The following TMEM163 variants were observed in gnomAD, a reference collection of about 807,000 sequenced individuals.
The protein encoded by TMEM163 is transmembrane protein 163.
Under a neutral mutation model 29.3 loss-of-function variants are expected in TMEM163, and 17 were observed. The ratio of observed to expected loss-of-function variants is 0.58; its 90% CI spans 0.40 to 0.87. The LOEUF (loss-of-function observed/expected upper bound fraction) is 0.87. Among genes scored for constraint, TMEM163 ranks in the 40% least tolerant of loss-of-function variants. The probability of loss-of-function intolerance (pLI) is 0.00; values close to 1 mark genes in which losing one functional copy is unlikely to be tolerated. For synonymous variants in TMEM163, 157 were observed against 160.6 expected, an observed-to-expected ratio of 0.98 and a Z score of 0.17; for missense variants, 303 against 381.5, an observed-to-expected ratio of 0.79 and a Z score of 1.71.
intron 4 of TMEM163, among the ~76,000 whole-genome samples, chr2:134,525,474 C>A (rs1173939823): frequency 6.6e-6 from 1 of 152,190 alleles, no homozygotes; most frequent in Admixed American, 6.5e-5. Context: ...AAAGAAGCCC[C>A]CATTTTGCAG....
At chr2:134,593,243 T>C (rs1200888569) in intron 2 of TMEM163, among the ~76,000 whole-genome samples, 4 of 152,162 alleles carry the variant, frequency 2.6e-5, no homozygotes, top group African/African-American at 9.7e-5. Flanking sequence ...CACTGTCAGC[T>C]TCTTGGAAAA....
intron 2 of TMEM163, among the ~76,000 whole-genome samples, chr2:134,684,545 G>A (rs1684313655): frequency 6.6e-6 from 1 of 152,180 alleles, no homozygotes; most frequent in Admixed American, 6.5e-5. Flanking sequence ...ATCAGCTAAT[G>A]AGGCTGCACT....
chr2:134,553,908 C>T (rs984278140), intron 2 of TMEM163, among the ~76,000 whole-genome samples: 18 of 152,304 alleles, frequency 1.2e-4, no homozygotes, highest in African/African-American at 3.8e-4. Flanking sequence ...AGCACCGAGG[C>T]GGCCTATAAA....
chr2:134,716,268 C>T (rs963261622), intron 1 of TMEM163, among the ~76,000 whole-genome samples: 1 of 152,112 alleles, frequency 6.6e-6, no homozygotes, highest in Non-Finnish European at 1.5e-5. Context: ...TGTTTAGTCC[C>T]CAAAGGTCTT....
intron 5 of TMEM163, among the ~76,000 whole-genome samples, chr2:134,491,855 G>A (rs1214460206): frequency 2.6e-5 from 4 of 152,172 alleles, no homozygotes; most frequent in Non-Finnish European, 5.9e-5. Context: ...TCCAGAGTGA[G>A]GAAAAGAGGA....
At chr2:134,481,922 C>T (rs1294902229) in intron 5 of TMEM163, among the ~76,000 whole-genome samples, 1 of 152,164 alleles carries the variant, frequency 6.6e-6, no homozygotes, top group Non-Finnish European at 1.5e-5. Flanking sequence ...GGCGACCTTC[C>T]ACCTCCTCCA....
At chr2:134,591,830 T>C (rs1177031189) in intron 2 of TMEM163, among the ~76,000 whole-genome samples, 2 of 151,510 alleles carry the variant, frequency 1.3e-5, no homozygotes, top group Non-Finnish European at 2.9e-5. Flanking sequence ...AGCAACACAA[T>C]CTTATGTTTT....
At position 134,458,228 on chromosome 2, in the gene TMEM163, C is replaced by A. The variant is rs1686446697; in HGVS notation, c.668-55G>T. 4.4e-6 allele frequency: 7 copies of A among 1,603,972 alleles called. No homozygotes were observed. The African/African-American group carries it at 5.4e-5, about 12-fold the overall frequency. On this transcript the variant is annotated intron_variant, in intron 6 of 7. Coordinates refer to ENST00000281924, the MANE Select transcript of TMEM163 (RefSeq NM_030923.5). ...GCAGTGCCAAGCAATCCAAGAAAAT[C>A]ACCCAAATGCCAGTCCTGCCTCCAC...
At chr2:134,554,422 C>CAAAAAAAAAAA (rs941286100) in intron 2 of TMEM163, among the ~76,000 whole-genome samples, 1 of 21,148 alleles carries the variant, frequency 4.7e-5, no homozygotes, top group African/African-American at 1.3e-4. Context: ...GACCCCATCT[C>CAAAAAAAAAAA]AAAAAAAAAA....
chr2:134,521,941 T>A (rs1680198964), intron 4 of TMEM163, among the ~76,000 whole-genome samples: 1 of 152,194 alleles, frequency 6.6e-6, no homozygotes, highest in African/African-American at 2.4e-5. Context: ...TCAAAGGGTA[T>A]GAGAAACATG....
chr2:134,618,471 T>C (rs1404064833), intron 2 of TMEM163, among the ~76,000 whole-genome samples: 3 of 152,302 alleles, frequency 2.0e-5, no homozygotes, highest in Non-Finnish European at 4.4e-5. Context: ...GAAACTATGA[T>C]TTCCTTTCTC....
intron 2 of TMEM163, among the ~76,000 whole-genome samples, chr2:134,558,101 T>G (rs1415330916): frequency 6.6e-6 from 1 of 152,208 alleles, no homozygotes; most frequent in African/African-American, 2.4e-5. Context: ...TAGGCTGCAC[T>G]GTGAGTTCAC....
chr2:134,493,003 G>C (rs1014352086), intron 5 of TMEM163, among the ~76,000 whole-genome samples: 2 of 152,088 alleles, frequency 1.3e-5, no homozygotes, highest in Non-Finnish European at 2.9e-5. Context: ...CACAAATTTT[G>C]GTTTTGGGGG....
intron 2 of TMEM163, among the ~76,000 whole-genome samples, chr2:134,674,635 G>C (rs1038063136): frequency 6.6e-6 from 1 of 152,008 alleles, no homozygotes; most frequent in African/African-American, 2.4e-5. Context: ...TGGGATTACA[G>C]GCGTGAGCCA....
intron 4 of TMEM163, among the ~76,000 whole-genome samples, chr2:134,534,327 G>T (rs1484086061): frequency 1.3e-5 from 2 of 152,080 alleles, no homozygotes; most frequent in Admixed American, 6.6e-5. Context: ...TACACCAACA[G>T]AACAGCTATC....
chr2:134,554,182 T>A (rs1372473017), intron 2 of TMEM163, among the ~76,000 whole-genome samples: 1 of 151,946 alleles, frequency 6.6e-6, no homozygotes, highest in Non-Finnish European at 1.5e-5. Context: ...CTCAGCACTT[T>A]GGGAGGCCAA....
chr2:134,481,289 T>C (rs754551742), intron 5 of TMEM163, among the ~76,000 whole-genome samples: 3 of 150,896 alleles, frequency 2.0e-5, no homozygotes, highest in Non-Finnish European at 4.4e-5. Context: ...ATGATTTGGC[T>C]ACATTTCCAC....
At chr2:134,632,980 G>T (rs551927105) in intron 2 of TMEM163, among the ~76,000 whole-genome samples, 1 of 146,070 alleles carries the variant, frequency 6.8e-6, no homozygotes, top group Non-Finnish European at 1.5e-5. Context: ...GGATGGTCTC[G>T]ATCTCCTGAC....
chr2:134,555,913 G>T (rs1681039155), intron 2 of TMEM163, among the ~76,000 whole-genome samples: 2 of 152,196 alleles, frequency 1.3e-5, no homozygotes, highest in South Asian at 4.1e-4. Flanking sequence ...CTATTCCCAT[G>T]CTAGTATATC....
Sources: gnomAD v4.1 joint callset for allele counts (sites outside exome capture counted in the v4.1 genomes callset) on GRCh38, gnomAD v4.1.1 for gene constraint, MANE v1.5 for transcripts, NCBI Gene and HGNC (gene_info 2026-07-23, HGNC 2026-07-21) for gene names.